The following SSX2IP variants were observed in gnomAD, a reference collection of about 807,000 sequenced individuals.
SSX2IP encodes the protein afadin- and alpha-actinin-binding protein.
Under a neutral mutation model 84.9 loss-of-function variants are expected in SSX2IP, and 55 were observed. The observed-to-expected ratio is 0.65, with a 90% CI of 0.52 to 0.81. SSX2IP has a LOEUF of 0.81. SSX2IP is among the 30% of genes least tolerant of loss of function. The pLI is 0.00. For synonymous variants in SSX2IP, 239 were observed against 234.7 expected, an observed-to-expected ratio of 1.02 and a Z score of -0.17; for missense variants, 664 against 705.2, an observed-to-expected ratio of 0.94 and a Z score of 0.66.
chr1:84,690,230 GCCTCCCGCCGAACAAC>G (rs1189836843), intron 1 of SSX2IP, 125 bp downstream of exon 1: 1 of 152,048 alleles, frequency 6.6e-6, no homozygotes, highest in Non-Finnish European at 1.5e-5. Context: ...GCCGCGCGGA[GCCTCCCGCCGAACAAC>G]GGGGCGCTGA....
At chr1:84,671,644 T>C (rs1557510078) in intron 1 of SSX2IP, among the ~76,000 whole-genome samples, 1 of 152,174 alleles carries the variant, frequency 6.6e-6, no homozygotes, top group Non-Finnish European at 1.5e-5. Flanking sequence ...AATACAATTA[T>C]ATAGATAAGA....
At position 84,655,410 on chromosome 1, in the gene SSX2IP, A is replaced by G. The variant is rs1023127193; in HGVS notation, c.1389+422T>C. 187 of 1,286,710 alleles carry G rather than the reference A, an allele frequency of 1.5e-4. No homozygotes were observed. In the African/African-American group the frequency reaches 2.6e-3, roughly 18 times the overall value. 79.7% of individuals were successfully genotyped at this position (1,286,710 alleles called of 1,614,324 possible). On this transcript the variant is annotated intron_variant, in intron 11 of 13. Coordinates refer to ENST00000342203, the MANE Select transcript of SSX2IP (RefSeq NM_001166293.2). ...GTAAAAAAAGCAAGCTGTAGAGCGT[A>G]TATATAACAATGATGGACTGGGGAG...
At chr1:84,655,112 T>C (rs935787236) in intron 11 of SSX2IP, among the ~76,000 whole-genome samples, 4 of 152,080 alleles carry the variant, frequency 2.6e-5, no homozygotes, top group African/African-American at 9.7e-5. Flanking sequence ...GGACACAGAA[T>C]TCCTTATCTT....
At chr1:84,652,212 G>A in intron 11 of SSX2IP, 1 of 455,618 alleles carries the variant, frequency 2.2e-6, no homozygotes, top group South Asian at 2.8e-5. Flanking sequence ...CACTTGAACT[G>A]AGGAGTTCCA....
intron 1 of SSX2IP, among the ~76,000 whole-genome samples, chr1:84,685,483 C>T (rs1482237622): frequency 2.0e-5 from 3 of 152,210 alleles, no homozygotes; most frequent in African/African-American, 7.2e-5. Flanking sequence ...ATCACTTAAT[C>T]CTCACGCTAG....
intron 1 of SSX2IP, among the ~76,000 whole-genome samples, chr1:84,672,644 A>G (rs1326674539): frequency 3.3e-5 from 5 of 152,228 alleles, no homozygotes; most frequent in African/African-American, 4.8e-5. Flanking sequence ...ATGTGTCTTT[A>G]GGCCAGATCT....
In SSX2IP at chr1:84,682,660, G is replaced by A. The variant is rs142119501; in HGVS notation, c.-90+7711C>T. Among the ~76,000 whole-genome samples the A allele has an allele frequency of 4.4e-3, 669 of 151,748 alleles. 5 individuals are homozygous for A. Among genetic ancestry groups the A allele is most frequent in the African/African-American group, 0.016 (646 of 41,400 alleles). ...GCTGGGACTACAGGCGCATGCCACC[G>A]CACCTGCTAATTTTTGTATTTTTAG... On this transcript the variant is annotated intron_variant, in intron 1 of 13. Coordinates refer to ENST00000342203, the MANE Select transcript of SSX2IP (RefSeq NM_001166293.2).
chr1:84,683,058 C>G (rs1263580241), intron 1 of SSX2IP, among the ~76,000 whole-genome samples: 1 of 152,058 alleles, frequency 6.6e-6, no homozygotes, highest in Non-Finnish European at 1.5e-5. Context: ...CATGACAAAG[C>G]CAAAATTCAA....
At position 84,658,312 on chromosome 1, in the gene SSX2IP, G is replaced by C; in HGVS notation, c.1078+6C>G. 1 of 1,613,918 alleles carries C rather than the reference G, an allele frequency of 6.2e-7. No homozygotes were observed. The highest frequency in any genetic ancestry group is 8.5e-7 in the Non-Finnish European group (1 of 1,179,920). On this transcript the variant is annotated splice_donor_region_variant and intron_variant, in intron 9 of 13. Coordinates refer to ENST00000342203, the MANE Select transcript of SSX2IP (RefSeq NM_001166293.2). ...CTCACTTTACATGCATAGAAGCAGT[G>C]GTTACCTTGGTTATCAAGCTTTTCT...
At chr1:84,652,798 G>A (rs1311644519) in intron 11 of SSX2IP, among the ~76,000 whole-genome samples, 1 of 151,956 alleles carries the variant, frequency 6.6e-6, no homozygotes. Flanking sequence ...GGCCAAGGCG[G>A]GTGGATCACG....
chr1:84,655,571 T>G, intron 11 of SSX2IP: 4 of 1,419,136 alleles, frequency 2.8e-6, no homozygotes, highest in Non-Finnish European at 3.7e-6. Context: ...GTAAAACACT[T>G]AGCAGGAGAA....
intron 11 of SSX2IP, among the ~76,000 whole-genome samples, chr1:84,654,073 A>G (rs986823838): frequency 2.0e-5 from 3 of 152,168 alleles, no homozygotes; most frequent in Non-Finnish European, 4.4e-5. Context: ...ACAAAAGTCA[A>G]CCTGTAGATA....
Position 84,676,719 on chromosome 1 carries a change from CTTTTTTTT to C in SSX2IP, c.-89-5419_-89-5412del, listed in dbSNP as rs61017474. ...GATTTCAAGACTCTGTGCTCTTTTC[CTTTTTTTT>C]TTTTTTTTTTTTTGAAACGGAGTCT... is the stretch of plus-strand genomic sequence containing the variant. On this transcript the variant is annotated intron_variant, in intron 1 of 13. Coordinates refer to ENST00000342203, the MANE Select transcript of SSX2IP (RefSeq NM_001166293.2). 2.7e-3 allele frequency among the ~76,000 whole-genome samples: 271 copies of C among 99,496 alleles called. 1 individual carries two copies. The highest frequency in any genetic ancestry group is 8.8e-3 in the African/African-American group (230 of 26,190). 65.3% of individuals were successfully genotyped at this position (99,496 alleles called of 152,430 possible).
chr1:84,689,137 G>A (rs909640334), intron 1 of SSX2IP, among the ~76,000 whole-genome samples: 2 of 152,160 alleles, frequency 1.3e-5, no homozygotes, highest in Non-Finnish European at 2.9e-5. Flanking sequence ...TTGCCGACTG[G>A]ATCCAAATTC....
chr1:84,666,735 C>T (rs758785768), intron 4 of SSX2IP, among the ~76,000 whole-genome samples: 2 of 152,016 alleles, frequency 1.3e-5, no homozygotes, highest in Admixed American at 1.3e-4. Context: ...TGTGTGACAC[C>T]ACTTCTCCCT....
rs143357795 is a variant in SSX2IP, at chr1:84,659,458, T to C, written c.928-990A>G. ...AACTCTTCCAAGGAAGCACAGCTTC[T>C]CTTCTGAACATTTTAAAGCCTATTA... is the stretch of plus-strand genomic sequence containing the variant. On this transcript the variant is annotated intron_variant, in intron 8 of 13. Coordinates refer to ENST00000342203, the MANE Select transcript of SSX2IP (RefSeq NM_001166293.2). Among the ~76,000 whole-genome samples, 1,278 of 152,258 alleles carry C rather than the reference T, an allele frequency of 8.4e-3. 19 individuals carry two copies. The highest frequency in any genetic ancestry group is 0.029 in the African/African-American group (1,200 of 41,542).
chr1:84,650,679 T>A, intron 12 of SSX2IP, 152 bp from the exon 13 acceptor site: 1 of 855,834 alleles, frequency 1.2e-6, no homozygotes, highest in South Asian at 1.7e-5. Context: ...TGCTTATCTT[T>A]GTTGCATAGT....
At chr1:84,683,327 G>A (rs535882407) in intron 1 of SSX2IP, among the ~76,000 whole-genome samples, 1 of 152,086 alleles carries the variant, frequency 6.6e-6, no homozygotes, top group Non-Finnish European at 1.5e-5. Context: ...CACCTCACCT[G>A]AAACTAAATT....
chr1:84,651,292 G>A (rs1026143897), intron 12 of SSX2IP, among the ~76,000 whole-genome samples: 3 of 152,226 alleles, frequency 2.0e-5, no homozygotes, highest in East Asian at 1.9e-4. Context: ...CTGGGTGACA[G>A]AGCAAGACTA....
Sources: gnomAD v4.1 joint callset for allele counts (sites outside exome capture counted in the v4.1 genomes callset) on GRCh38, gnomAD v4.1.1 for gene constraint, MANE v1.5 for transcripts, NCBI Gene and HGNC (gene_info 2026-07-23, HGNC 2026-07-21) for gene names.